Variants in PDZRN4 observed in about 807,000 individuals in gnomAD.
PDZRN4 encodes PDZ domain-containing RING finger protein 4.
Under a neutral mutation model 99.0 loss-of-function variants are expected in PDZRN4, and 70 were observed. That is an observed-to-expected ratio of 0.71 (90% CI 0.58 to 0.86). The LOEUF (loss-of-function observed/expected upper bound fraction) is 0.86. Ranked by LOEUF, PDZRN4 falls within the 40% of genes least tolerant of loss-of-function variation. PDZRN4 has a pLI of 0.00. For missense variants in PDZRN4, 1,474 were observed against 1,331.2 expected (o/e 1.11, Z -1.67); for synonymous variants, 551 against 501.6 (o/e 1.10, Z -1.32).
intron 3 of PDZRN4, among the ~76,000 whole-genome samples, chr12:41,359,073 G>T (rs1276204135): frequency 6.6e-6 from 1 of 151,928 alleles, no homozygotes; most frequent in Admixed American, 6.6e-5. Flanking sequence ...TGTTAACTGG[G>T]TGACTTACCG....
intron 3 of PDZRN4, among the ~76,000 whole-genome samples, chr12:41,319,374 C>A (rs1951659441): frequency 6.6e-6 from 1 of 152,086 alleles, no homozygotes; most frequent in African/African-American, 2.4e-5. Flanking sequence ...AAGCCTATGA[C>A]CTGCTCTCAC....
chr12:41,258,667 A>G (rs1428470421), intron 3 of PDZRN4, among the ~76,000 whole-genome samples: 1 of 152,192 alleles, frequency 6.6e-6, no homozygotes, highest in Non-Finnish European at 1.5e-5. Flanking sequence ...TTGAGTGCAT[A>G]CTATTTGCTT....
chr12:41,532,747 C>A (rs1210961661), intron 5 of PDZRN4, among the ~76,000 whole-genome samples: 1 of 152,110 alleles, frequency 6.6e-6, no homozygotes, highest in Non-Finnish European at 1.5e-5. Context: ...TGTGCCTCAG[C>A]GTTCTCATAT....
chr12:41,478,809 G>C (rs1937630510), intron 3 of PDZRN4, among the ~76,000 whole-genome samples: 1 of 151,906 alleles, frequency 6.6e-6, no homozygotes, highest in African/African-American at 2.4e-5. Flanking sequence ...TGATATCCAG[G>C]GAGTTCTCCT....
chr12:41,374,879 C>G lies in PDZRN4; in HGVS notation c.844-131577C>G, dbSNP rs144789911. Among the ~76,000 whole-genome samples the G allele has an allele frequency of 5.3e-5, 8 of 152,220 alleles. No homozygotes were observed. In the East Asian group the frequency reaches 1.5e-3, roughly 29 times the overall value. ...AATGGGCTAGACCTAGTGACTTTCC[C>G]CTAACAAATAGAACAAGGCAGAAAT... On this transcript the variant is annotated intron_variant, in intron 3 of 9. Transcript: ENST00000402685.
intron 3 of PDZRN4, among the ~76,000 whole-genome samples, chr12:41,383,810 C>T (rs1005065399): frequency 6.6e-6 from 1 of 151,926 alleles, no homozygotes; most frequent in Non-Finnish European, 1.5e-5. Flanking sequence ...CTTTATTTAT[C>T]AAAAAGTATT....
intron 3 of PDZRN4, among the ~76,000 whole-genome samples, chr12:41,238,909 C>T (rs1170379283): frequency 6.6e-6 from 1 of 152,098 alleles, no homozygotes; most frequent in African/African-American, 2.4e-5. Context: ...TGTGGTGATT[C>T]CTCAAAGACC....
intron 3 of PDZRN4, among the ~76,000 whole-genome samples, chr12:41,338,504 G>T (rs558895048): frequency 3.0e-4 from 45 of 151,650 alleles, no homozygotes; most frequent in African/African-American, 1.1e-3. Context: ...CAATTCAAAA[G>T]ATCAACCAAC....
At chr12:41,210,173 C>T (rs1183909487) in intron 3 of PDZRN4, among the ~76,000 whole-genome samples, 10 of 141,036 alleles carry the variant, frequency 7.1e-5, no homozygotes, top group Non-Finnish European at 1.4e-4. Flanking sequence ...TCATATCCTT[C>T]ACCCACTTTT....
At chr12:41,397,311 C>G (rs1008368352) in intron 3 of PDZRN4, among the ~76,000 whole-genome samples, 12 of 152,234 alleles carry the variant, frequency 7.9e-5, no homozygotes, top group African/African-American at 2.2e-4. Context: ...GCTTTGTACT[C>G]TAGTAGATTT....
chr12:41,278,695 G>A (rs1951365160), intron 3 of PDZRN4, among the ~76,000 whole-genome samples: 1 of 152,150 alleles, frequency 6.6e-6, no homozygotes, highest in African/African-American at 2.4e-5. Flanking sequence ...TCCCTTGAAA[G>A]TCCTTTTACT....
intron 3 of PDZRN4, among the ~76,000 whole-genome samples, chr12:41,209,493 C>T (rs1228114932): frequency 2.0e-5 from 3 of 147,684 alleles, no homozygotes; most frequent in Non-Finnish European, 4.5e-5. Flanking sequence ...CTATCCCTCC[C>T]GCCTCCCCCC....
chr12:41,419,947 C>T (rs1382871626), intron 3 of PDZRN4, among the ~76,000 whole-genome samples: 1 of 152,138 alleles, frequency 6.6e-6, no homozygotes, highest in African/African-American at 2.4e-5. Flanking sequence ...CAAGTTGTCA[C>T]TTCTAAGAGG....
intron 3 of PDZRN4, among the ~76,000 whole-genome samples, chr12:41,335,903 C>T (rs189885006): frequency 6.6e-6 from 1 of 152,012 alleles, no homozygotes; most frequent in Non-Finnish European, 1.5e-5. Flanking sequence ...ATAATTTTAA[C>T]TATAAAAGGT....
At chr12:41,252,262 A>G (rs1431212747) in intron 3 of PDZRN4, among the ~76,000 whole-genome samples, 1 of 152,188 alleles carries the variant, frequency 6.6e-6, no homozygotes, top group Non-Finnish European at 1.5e-5. Flanking sequence ...AAACACAAAC[A>G]TAGGAGGGTG....
chr12:41,190,336 A>G (rs1319105200), intron 1 of PDZRN4, among the ~76,000 whole-genome samples: 1 of 152,236 alleles, frequency 6.6e-6, no homozygotes, highest in African/African-American at 2.4e-5. Context: ...ATATATGCAT[A>G]TACATATACG....
At chr12:41,209,151 G>A (rs1566361319) in intron 3 of PDZRN4, among the ~76,000 whole-genome samples, 1 of 151,756 alleles carries the variant, frequency 6.6e-6, no homozygotes, top group Non-Finnish European at 1.5e-5. Context: ...CTACAGGAGT[G>A]GCTAACTTCA....
At position 41,571,407 on chromosome 12, in the gene PDZRN4, CT is replaced by C. The variant is rs1335649497; in HGVS notation, c.1585-956del. ...ACACACACACACACACACACACACA[CT>C]ACATAAACATACATGCATGCCTATA... On this transcript the variant is annotated intron_variant, in intron 9 of 9. Coordinates refer to ENST00000402685, the MANE Select transcript of PDZRN4 (RefSeq NM_001164595.2). Among the ~76,000 whole-genome samples the C allele has an allele frequency of 3.6e-3, 493 of 137,816 alleles. 2 individuals carry two copies. Among genetic ancestry groups the C allele is most frequent in the Non-Finnish European group, 6.2e-3 (399 of 64,470 alleles). The allele number at this position is 137,816 out of a possible 152,430, so 90.4% of individuals were successfully genotyped here.
rs553741045 is a variant in PDZRN4, at chr12:41,263,835, A to G, written c.843+69647A>G. Among the ~76,000 whole-genome samples the G allele has an allele frequency of 3.3e-5, 5 of 152,338 alleles. No individual in the cohort carries two copies. In the East Asian group the frequency reaches 9.7e-4, roughly 29 times the overall value. On this transcript the variant is annotated intron_variant, in intron 3 of 9. Transcript: ENST00000402685. ...CTATACAATAAAATATTTATCATAT[A>G]TAATCCCACACCTTAAAATACAAGA... is the stretch of plus-strand genomic sequence containing the variant.
Sources: allele counts gnomAD v4.1 joint callset (sites outside exome capture counted in the v4.1 genomes callset), GRCh38; gene constraint gnomAD v4.1.1; transcripts MANE v1.5; gene names NCBI Gene and HGNC (gene_info 2026-07-23, HGNC 2026-07-21).